The following PTPRK variants were observed in gnomAD, a reference collection of about 807,000 sequenced individuals.
PTPRK encodes receptor-type tyrosine-protein phosphatase kappa.
PTPRK carries 75 observed loss-of-function variants against 178.0 expected under a neutral mutation model. The observed-to-expected ratio is 0.42, with a 90% CI of 0.35 to 0.51. The LOEUF is 0.51. Among genes scored for constraint, PTPRK ranks in the 20% least tolerant of loss-of-function variants. The pLI, the probability that PTPRK is intolerant of heterozygous loss-of-function variation, is 0.02. For missense variants in PTPRK, 1,441 were observed against 1,797.8 expected (o/e 0.80, Z 3.59); for synonymous variants, 637 against 620.6 (o/e 1.03, Z -0.39).
chr6:128,033,531 A>G (rs868279522), intron 13 of PTPRK, among the ~76,000 whole-genome samples: 16 of 152,212 alleles, frequency 1.1e-4, no homozygotes, highest in African/African-American at 3.9e-4. Context: ...TGAAAGTCAA[A>G]GGAAATGGTG....
In PTPRK at chr6:127,995,491, A is replaced by G; in HGVS notation, c.2815T>C (p.Ser939Pro). 6.3e-7 allele frequency: 1 copy of G among 1,599,948 alleles called. No individual in the cohort carries two copies. The highest frequency in any genetic ancestry group is 8.5e-7 in the Non-Finnish European group (1 of 1,170,636). The stretch of plus-strand genomic sequence containing the variant: ...ATATAGTTGGCATTAATATAATCTG[A>G]GGAAGGATCATCCTCTACGGGTTGC... ...ILQPVEDDPSSDYINANYIDG... is the reference protein window; with the variant it reads ...ILQPVEDDPSPDYINANYIDG... Residue 939 changes from serine (S) to proline (P), a missense_variant, in exon 18 of 30, where the codon TCA becomes CCA. Coordinates refer to ENST00000368226, the MANE Select transcript of PTPRK (RefSeq NM_002844.4).
intron 1 of PTPRK, among the ~76,000 whole-genome samples, chr6:128,474,796 C>A (rs1179099124): frequency 1.3e-5 from 2 of 152,054 alleles, no homozygotes; most frequent in East Asian, 3.9e-4. Flanking sequence ...ATGGGTGTTG[C>A]GAATGCATTT....
At chr6:128,486,044 A>C (rs1294715204) in intron 1 of PTPRK, among the ~76,000 whole-genome samples, 1 of 152,196 alleles carries the variant, frequency 6.6e-6, no homozygotes, top group Non-Finnish European at 1.5e-5. Flanking sequence ...TTTTAGTTGA[A>C]TTCTAAAATG....
chr6:128,361,353 C>T (rs1165159255), intron 2 of PTPRK, among the ~76,000 whole-genome samples: 2 of 152,200 alleles, frequency 1.3e-5, no homozygotes, highest in South Asian at 4.1e-4. Context: ...TATTCAGTTA[C>T]TTTTTGTTAT....
chr6:128,424,836 A>G (rs1381686105), intron 1 of PTPRK, among the ~76,000 whole-genome samples: 2 of 152,136 alleles, frequency 1.3e-5, no homozygotes, highest in African/African-American at 2.4e-5. Context: ...CTGATTTTAG[A>G]TATGTTAAAA....
intron 1 of PTPRK, among the ~76,000 whole-genome samples, chr6:128,427,494 T>C (rs1043166544): frequency 6.6e-6 from 1 of 152,216 alleles, no homozygotes; most frequent in Admixed American, 6.5e-5. Flanking sequence ...TCAGAAGATA[T>C]GCCACAATAT....
intron 1 of PTPRK, among the ~76,000 whole-genome samples, chr6:128,504,504 C>T (rs1181367386): frequency 6.6e-6 from 1 of 152,112 alleles, no homozygotes; most frequent in Non-Finnish European, 1.5e-5. Context: ...AAGGATTGCC[C>T]TACAGACTCC....
At chr6:128,448,848 TTGTC>T (rs1847372978) in intron 1 of PTPRK, among the ~76,000 whole-genome samples, 3 of 152,016 alleles carry the variant, frequency 2.0e-5, no homozygotes, top group South Asian at 2.1e-4. Context: ...TTTTGTTTGT[TTGTC>T]TGTTTGTTTT....
chr6:128,316,531 G>A (rs1209139902), intron 3 of PTPRK, among the ~76,000 whole-genome samples: 1 of 152,086 alleles, frequency 6.6e-6, no homozygotes, highest in African/African-American at 2.4e-5. Flanking sequence ...TACATTAATT[G>A]TTCTGTTAAC....
At chr6:128,058,255 C>T (rs1412022809) in intron 13 of PTPRK, among the ~76,000 whole-genome samples, 1 of 152,156 alleles carries the variant, frequency 6.6e-6, no homozygotes, top group Non-Finnish European at 1.5e-5. Flanking sequence ...AGTGGTTGTG[C>T]AAATTTATAC....
At chr6:127,995,441 C>A in intron 18 of PTPRK, 21 bp downstream of exon 18, 1 of 1,533,094 alleles carries the variant, frequency 6.5e-7, no homozygotes, top group Non-Finnish European at 9.0e-7. Flanking sequence ...AGTAGACATA[C>A]TTAACTATAA....
Position 128,219,095 on chromosome 6 carries a change from C to T in PTPRK, c.695G>A (p.Arg232Lys). ...TACTGGTATATCTTCTCCATTTCGT[C>T]TCTGCAAACAGAAACCAATCTTTAA... ...DAVHNKLWLQ[R>K]RNGEDIPVAQ... The change falls in exon 6 of 30, where the codon AGA becomes AAA. Residue 232 changes from arginine (R) to lysine (K), a missense_variant and splice_region_variant. Arg to Lys is a conservative substitution (Grantham distance 26). Transcript: ENST00000368226. 2 of 1,610,786 alleles carry T rather than the reference C, an allele frequency of 1.2e-6. No homozygotes were observed. Among genetic ancestry groups the T allele is most frequent in the Non-Finnish European group, 8.5e-7 (1 of 1,177,918 alleles).
chr6:128,187,662 G>C (rs1803003959), intron 6 of PTPRK, among the ~76,000 whole-genome samples: 1 of 152,138 alleles, frequency 6.6e-6, no homozygotes. Flanking sequence ...TTGGTCAGAA[G>C]GGTAGTAGTT....
At chr6:128,487,891 G>T (rs142652961) in intron 1 of PTPRK, among the ~76,000 whole-genome samples, 1 of 152,100 alleles carries the variant, frequency 6.6e-6, no homozygotes, top group African/African-American at 2.4e-5. Context: ...CCCCAAAACC[G>T]CATTCAATGA....
chr6:127,986,500 G>A lies in PTPRK; in HGVS notation c.3097-625C>T, dbSNP rs528821841. Reference sequence around the variant, plus strand: ...AAAAATACAAAATGAAAGAAGTGAAGCATCTGCTGTTGTGCTGCTCTCCTA... The same window carrying A: ...AAAAATACAAAATGAAAGAAGTGAAACATCTGCTGTTGTGCTGCTCTCCTA... On this transcript the variant is annotated intron_variant, in intron 21 of 29. Coordinates refer to ENST00000368226, the MANE Select transcript of PTPRK (RefSeq NM_002844.4). Among the ~76,000 whole-genome samples, 64 of 152,262 alleles carry A rather than the reference G, an allele frequency of 4.2e-4. 1 individual carries two copies. Among genetic ancestry groups the A allele is most frequent in the South Asian group, 1.7e-3 (8 of 4,824 alleles).
In PTPRK at chr6:127,973,191, G is replaced by A. The variant is rs1774140724; in HGVS notation, c.4134-34C>T. ...AAAGAAAGCAAAGGCATTTTAGATA[G>A]CAGCACCAAGTGACCACAGGTCACA... is the stretch of plus-strand genomic sequence containing the variant. On this transcript the variant is annotated intron_variant, in intron 28 of 29. Transcript: ENST00000368226. 3 of 1,612,590 alleles carry A rather than the reference G, an allele frequency of 1.9e-6. No individual in the cohort carries two copies. In the East Asian group the frequency reaches 6.7e-5, roughly 36 times the overall value.
chr6:128,312,704 A>G lies in PTPRK; in HGVS notation c.495+9335T>C, dbSNP rs114556210. 9.8e-3 allele frequency among the ~76,000 whole-genome samples: 1,493 copies of G among 152,182 alleles called. 23 individuals are homozygous for G. The highest frequency in any genetic ancestry group is 0.033 in the African/African-American group (1,377 of 41,530). ...ATTAAAAATTATCGATGTATACGCA[A>G]TTGTCTTAGTGGACTTTATATTCTC... On this transcript the variant is annotated intron_variant, in intron 3 of 29. Coordinates refer to ENST00000368226, the MANE Select transcript of PTPRK (RefSeq NM_002844.4).
chr6:128,096,889 G>T (rs897156494), intron 7 of PTPRK, among the ~76,000 whole-genome samples: 2 of 152,108 alleles, frequency 1.3e-5, no homozygotes, highest in Non-Finnish European at 2.9e-5. Context: ...TAAAAGCAAA[G>T]AAAACAGTGC....
chr6:128,166,428 G>A (rs781682767), intron 7 of PTPRK, among the ~76,000 whole-genome samples: 1 of 151,682 alleles, frequency 6.6e-6, no homozygotes, highest in Non-Finnish European at 1.5e-5. Flanking sequence ...TTGAGATTCT[G>A]TTTCTGCAAA....
Sources: gnomAD v4.1 joint callset for allele counts (sites outside exome capture counted in the v4.1 genomes callset) on GRCh38, gnomAD v4.1.1 for gene constraint, MANE v1.5 for transcripts, NCBI Gene and HGNC (gene_info 2026-07-23, HGNC 2026-07-21) for gene names.